The following AGBL3 variants were observed in gnomAD, a reference collection of about 807,000 sequenced individuals.
AGBL3 encodes AGBL carboxypeptidase 3, also known as cytosolic carboxypeptidase 3.
A neutral mutation model predicts 94.5 loss-of-function variants in AGBL3; 68 were observed. The observed-to-expected ratio is 0.72, with a 90% CI of 0.59 to 0.88. AGBL3 has a LOEUF of 0.88. AGBL3 is among the 40% of genes least tolerant of loss of function. AGBL3 has a pLI of 0.00. For missense variants in AGBL3, 934 were observed against 1,103.8 expected (o/e 0.85, Z 2.18); for synonymous variants, 354 against 370.7 (o/e 0.95, Z 0.52).
intron 4 of AGBL3, chr7:135,012,173 A>G (rs1333708734): frequency 6.6e-6 from 1 of 152,206 alleles, no homozygotes; most frequent in Non-Finnish European, 1.5e-5. Flanking sequence ...TGTGATTTTA[A>G]TTTTATAAAG....
At position 135,034,776 on chromosome 7, in the gene AGBL3, T is replaced by G. The variant is rs1816131845; in HGVS notation, c.1185T>G (p.Phe395Leu). 1 of 1,551,998 alleles carries G rather than the reference T, an allele frequency of 6.4e-7. No individual in the cohort carries two copies. The highest frequency in any genetic ancestry group is 1.4e-5 in the African/African-American group (1 of 73,038). The change falls in exon 7 of 17, where the codon TTT (phenylalanine) becomes TTG (leucine). Residue 395 changes from phenylalanine (F) to leucine (L), a missense_variant. Transcript: ENST00000436302. ...ATGCACAGTTGCTTCGGGACACTTT[T>G]GTCTTCAAGGTGGTACCCATGCTCA... Reference protein sequence around the residue: ...SSDAQLLRDTFVFKVVPMLNP... With the variant: ...SSDAQLLRDTLVFKVVPMLNP...
chr7:135,053,167 T>C (rs1325797681), intron 11 of AGBL3, among the ~76,000 whole-genome samples: 5 of 152,202 alleles, frequency 3.3e-5, no homozygotes, highest in Non-Finnish European at 7.3e-5. Flanking sequence ...GCTTCATTCT[T>C]TGCTTAAGAA....
intron 15 of AGBL3, chr7:135,101,023 C>A: frequency 2.7e-6 from 1 of 366,018 alleles, no homozygotes; most frequent in Non-Finnish European, 5.4e-6. Context: ...TATTACATTA[C>A]TCTTACATGA....
rs548026172 is a variant in AGBL3 at position 135,034,177 on chromosome 7, C to T, written c.586C>T (p.Arg196Cys). Residue 196 changes from arginine to cysteine, a missense_variant, in exon 7 of 17, where the codon CGC (arginine) becomes TGC (cysteine). Physicochemically the swap from Arg to Cys is radical, Grantham distance 180 (BLOSUM62 -3). This residue lies in a region of AGBL3 where 488 missense variants were observed against 563.6 expected (regional missense o/e 0.87). Transcript: ENST00000436302. ...VAEYEYQLTV[R>C]PDLFTNKHTQ... ...AGAATACGAATACCAATTGACTGTA[C>T]GCCCTGACCTCTTCACAAATAAACA... is the stretch of plus-strand genomic sequence containing the variant. 4.1e-5 allele frequency: 63 copies of T among 1,550,074 alleles called. No individual in the cohort carries two copies. Among genetic ancestry groups the T allele is most frequent in the African/African-American group, 3.4e-4 (25 of 73,126 alleles).
intron 5 of AGBL3, among the ~76,000 whole-genome samples, chr7:135,018,940 C>G (rs1814114260): frequency 6.6e-6 from 1 of 152,190 alleles, no homozygotes; most frequent in Non-Finnish European, 1.5e-5. Context: ...ACACTCCTAT[C>G]AAGATATGGA....
chr7:135,132,636 G>A (rs1326865963), intron 16 of AGBL3, among the ~76,000 whole-genome samples: 1 of 152,072 alleles, frequency 6.6e-6, no homozygotes, highest in Non-Finnish European at 1.5e-5. Context: ...ATTGAATCAC[G>A]GGAACAGTTT....
chr7:135,013,247 AGACT>A (rs1306310955), intron 4 of AGBL3, among the ~76,000 whole-genome samples: 1 of 152,206 alleles, frequency 6.6e-6, no homozygotes, highest in Non-Finnish European at 1.5e-5. Context: ...AAAATTTAAA[AGACT>A]GACAACCAAA....
intron 11 of AGBL3, among the ~76,000 whole-genome samples, chr7:135,048,712 A>G (rs926154642): frequency 6.6e-6 from 1 of 150,990 alleles, no homozygotes; most frequent in East Asian, 1.9e-4. Context: ...CAGATTTTGT[A>G]ACCTGTAACT....
chr7:135,024,814 G>GCAGCAGCATCTTTACCAGT (rs1554497283), intron 5 of AGBL3, among the ~76,000 whole-genome samples: 4 of 151,840 alleles, frequency 2.6e-5, no homozygotes, highest in South Asian at 2.1e-4. Context: ...TGCTGGAATT[G>GCAGCAGCATCTTTACCAGT]AAAAATTCAC....
At chr7:135,028,944 T>TA (rs1316860350) in intron 5 of AGBL3, among the ~76,000 whole-genome samples, 1 of 152,218 alleles carries the variant, frequency 6.6e-6, no homozygotes, top group Non-Finnish European at 1.5e-5. Flanking sequence ...CTTGGGTGAC[T>TA]AGATGCATTG....
chr7:135,045,952 T>C (rs772478403), intron 11 of AGBL3, 41 bp downstream of exon 11: 35 of 1,247,464 alleles, frequency 2.8e-5, no homozygotes, highest in Non-Finnish European at 4.0e-5. Context: ...TGTTGTGCTG[T>C]TTTACTATGT....
chr7:135,075,465 C>T (rs1270877653), intron 12 of AGBL3, among the ~76,000 whole-genome samples: 3 of 152,112 alleles, frequency 2.0e-5, no homozygotes, highest in African/African-American at 7.2e-5. Flanking sequence ...TTTACCACAG[C>T]CTATTTAACC....
At chr7:135,078,493 T>C (rs1820657488) in intron 13 of AGBL3, among the ~76,000 whole-genome samples, 1 of 121,870 alleles carries the variant, frequency 8.2e-6, no homozygotes, top group African/African-American at 2.9e-5. Flanking sequence ...CAAAATAGGT[T>C]TTTGTTAGGG....
chr7:135,130,996 T>C (rs576110184), intron 16 of AGBL3, among the ~76,000 whole-genome samples: 39 of 152,282 alleles, frequency 2.6e-4, no homozygotes, highest in African/African-American at 8.2e-4. Context: ...TACTTTGTCA[T>C]TGAAAATTGA....
intron 16 of AGBL3, among the ~76,000 whole-genome samples, chr7:135,125,003 G>A (rs1369103284): frequency 6.6e-6 from 1 of 152,012 alleles, no homozygotes; most frequent in Non-Finnish European, 1.5e-5. Flanking sequence ...AGAGAGGCAA[G>A]AGCAAACTAA....
intron 3 of AGBL3, among the ~76,000 whole-genome samples, chr7:134,991,569 T>C (rs1282207176): frequency 6.6e-6 from 1 of 152,168 alleles, no homozygotes. Flanking sequence ...CCTTGCCATA[T>C]CATATCACCT....
At chr7:135,085,828 T>C (rs893506568) in intron 15 of AGBL3, among the ~76,000 whole-genome samples, 4 of 152,070 alleles carry the variant, frequency 2.6e-5, no homozygotes, top group Non-Finnish European at 5.9e-5. Context: ...CTATTTGGGG[T>C]CTTCCATGGT....
chr7:135,070,331 T>C (rs532243623), intron 12 of AGBL3, among the ~76,000 whole-genome samples: 3 of 152,318 alleles, frequency 2.0e-5, no homozygotes, highest in South Asian at 4.1e-4. Context: ...TCTGAAACTA[T>C]TCCAATCACT....
chr7:135,109,543 G>A (rs185999543), intron 15 of AGBL3, among the ~76,000 whole-genome samples: 7 of 152,042 alleles, frequency 4.6e-5, no homozygotes, highest in Admixed American at 4.6e-4. Context: ...TTGTCACCTC[G>A]GATTTTTCAG....
Sources: allele counts gnomAD v4.1 joint callset (sites outside exome capture counted in the v4.1 genomes callset), GRCh38; gene constraint gnomAD v4.1.1; regional missense constraint gnomAD v4.1.1; transcripts MANE v1.5; gene names NCBI Gene and HGNC (gene_info 2026-07-23, HGNC 2026-07-21).